The following INSL6 variants were observed in gnomAD, a reference collection of about 807,000 sequenced individuals.
INSL6 encodes insulin-like peptide INSL6.
In INSL6, 16 loss-of-function variants were observed where a neutral mutation model predicts 9.4. The observed-to-expected ratio is 1.70, with a 90% CI of 1.15 to 2.59. INSL6 has a LOEUF of 2.59. Among genes scored for constraint, INSL6 ranks in the 30% most tolerant of loss-of-function variants. INSL6 has a pLI of 0.00. For synonymous variants in INSL6, 154 were observed against 96.9 expected (o/e 1.59, Z -3.46); for missense variants, 391 against 257.3 (o/e 1.52, Z -3.56).
chr9:4,995,763 A>G, the INSL6 span, among the ~76,000 whole-genome samples: 2 of 152,206 alleles, frequency 1.3e-5, no homozygotes, highest in African/African-American at 2.4e-5. Context: ...CTTTTTGCCA[A>G]TTATTCATTT....
At chr9:5,061,918 C>T in the INSL6 span, among the ~76,000 whole-genome samples, 1 of 152,222 alleles carries the variant, frequency 6.6e-6, no homozygotes, top group Middle Eastern at 3.4e-3. Context: ...ATTAATTGGC[C>T]TAATTTCATT....
At chr9:5,036,371 A>C in the INSL6 span, among the ~76,000 whole-genome samples, 173 of 152,320 alleles carry the variant, frequency 1.1e-3, 2 homozygotes, top group African/African-American at 3.8e-3. Context: ...AATTGGAAAA[A>C]ACTACTTTAA....
At chr9:5,088,186 G>A in the INSL6 span, among the ~76,000 whole-genome samples, 1 of 152,138 alleles carries the variant, frequency 6.6e-6, no homozygotes, top group Non-Finnish European at 1.5e-5. Flanking sequence ...GCAAGTTGTG[G>A]ATCAATATTC....
At chr9:5,152,154 C>G (rs895619377) in intron 2 of INSL6, among the ~76,000 whole-genome samples, 3 of 152,254 alleles carry the variant, frequency 2.0e-5, no homozygotes, top group East Asian at 3.9e-4. Flanking sequence ...GATTTCAACA[C>G]TTTTATCTCA....
downstream of INSL6, among the ~76,000 whole-genome samples, chr9:5,161,628 G>A (rs779499595): frequency 6.6e-5 from 10 of 152,098 alleles, no homozygotes; most frequent in Non-Finnish European, 1.3e-4. Context: ...AACCGAATTG[G>A]AAAGAAATGA....
chr9:5,031,220 A>G, the INSL6 span, among the ~76,000 whole-genome samples: 1 of 152,234 alleles, frequency 6.6e-6, no homozygotes, highest in Admixed American at 6.5e-5. Context: ...TTACTATGTA[A>G]ATTGAGAATT....
intron 1 of INSL6, among the ~76,000 whole-genome samples, chr9:5,170,164 A>G (rs1825146115): frequency 6.6e-6 from 1 of 152,214 alleles, no homozygotes; most frequent in Non-Finnish European, 1.5e-5. Flanking sequence ...CTAAGACCAC[A>G]GCACAATCAA....
chr9:5,003,026 G>C, the INSL6 span, among the ~76,000 whole-genome samples: 1 of 151,944 alleles, frequency 6.6e-6, no homozygotes, highest in Non-Finnish European at 1.5e-5. Context: ...TGGCACATCT[G>C]TTCCAAATTA....
intron 1 of INSL6, among the ~76,000 whole-genome samples, chr9:5,165,167 T>A (rs989783123): frequency 6.6e-6 from 1 of 152,080 alleles, no homozygotes; most frequent in Non-Finnish European, 1.5e-5. Context: ...GCCGAGATAG[T>A]GCCACTGCAC....
chr9:5,070,063 A>T, the INSL6 span: 2 of 1,586,108 alleles, frequency 1.3e-6, no homozygotes, highest in Non-Finnish European at 1.7e-6. Flanking sequence ...GTAAGTCATT[A>T]GATACTCATT....
At chr9:5,110,250 T>C in the INSL6 span, 2 of 152,212 alleles carry the variant, frequency 1.3e-5, no homozygotes, top group African/African-American at 4.8e-5. Context: ...GCTCATCCGC[T>C]TCTACCCTTT....
the INSL6 span, chr9:5,041,438 T>TGCA: frequency 3.2e-6 from 2 of 621,844 alleles, no homozygotes. Flanking sequence ...GTACTTCCTG[T>TGCA]GCAGCAGCCT....
downstream of INSL6, among the ~76,000 whole-genome samples, chr9:5,161,267 A>G (rs1220803164): frequency 1.3e-5 from 2 of 152,238 alleles, no homozygotes; most frequent in Non-Finnish European, 2.9e-5. Context: ...CAGGAATGCA[A>G]GAACGGTTCA....
At chr9:5,010,885 A>C in the INSL6 span, among the ~76,000 whole-genome samples, 33,792 of 152,124 alleles carry the variant, frequency 0.22, 4,354 homozygotes, top group South Asian at 0.31. Flanking sequence ...CAGATCCAGT[A>C]GTATGAGAAT....
the INSL6 span, among the ~76,000 whole-genome samples, chr9:5,095,909 C>G: frequency 1.3e-5 from 2 of 152,196 alleles, no homozygotes; most frequent in Admixed American, 1.3e-4. Context: ...ACAACCCTGT[C>G]ACTGTCTCAC....
chr9:5,021,512 T>C, the INSL6 span, among the ~76,000 whole-genome samples: 3 of 152,260 alleles, frequency 2.0e-5, no homozygotes, highest in Non-Finnish European at 4.4e-5. Context: ...TTGTATGTAG[T>C]AATACACGAT....
chr9:5,113,441 A>C, the INSL6 span: 2 of 114,954 alleles, frequency 1.7e-5, no homozygotes, highest in Admixed American at 9.3e-5. Context: ...AAAAAAAAAA[A>C]AAAAAAAACC....
the INSL6 span, among the ~76,000 whole-genome samples, chr9:5,079,552 A>G: frequency 2.0e-5 from 3 of 151,788 alleles, no homozygotes; most frequent in Non-Finnish European, 4.4e-5. Context: ...TCATTAGAAC[A>G]TCTCTGAATG....
the INSL6 span, chr9:5,070,150 T>C: frequency 5.2e-6 from 4 of 772,840 alleles, no homozygotes; most frequent in Non-Finnish European, 7.6e-6. Context: ...TATTTTGTTA[T>C]ATACAAATTT....
Sources: gnomAD v4.1 joint callset for allele counts (sites outside exome capture counted in the v4.1 genomes callset) on GRCh38, gnomAD v4.1.1 for gene constraint, MANE v1.5 for transcripts, NCBI Gene and HGNC (gene_info 2026-07-23, HGNC 2026-07-21) for gene names.